Variants in GRIA4 observed in about 807,000 individuals in gnomAD.
The protein encoded by GRIA4 is glutamate receptor 4.
GRIA4 carries 34 observed loss-of-function variants against 104.0 expected under a neutral mutation model. That is an observed-to-expected ratio of 0.33 (90% confidence interval 0.25 to 0.44). The LOEUF (loss-of-function observed/expected upper bound fraction) is 0.44. Among genes scored for constraint, GRIA4 ranks in the 20% least tolerant of loss-of-function variants. GRIA4 has a pLI of 1.00. For missense variants in GRIA4, 750 were observed against 1,096.5 expected, an observed-to-expected ratio of 0.68 and a Z score of 4.46; for synonymous variants, 386 against 381.9, an observed-to-expected ratio of 1.01 and a Z score of -0.13.
In GRIA4 at chr11:105,910,563, C is replaced by T. The variant is rs761289035; in HGVS notation, c.1269+18C>T. ...CAATTATGGTAAGTGTTGGTCTATG[C>T]TTTATGGTGTTCCGTTTTGTCCACA... is the stretch of plus-strand genomic sequence containing the variant. On this transcript the variant is annotated intron_variant, in intron 10 of 16. Transcript: ENST00000282499. The T allele has an allele frequency of 2.4e-6, 3 of 1,268,572 alleles. No homozygotes were observed. Among genetic ancestry groups the T allele is most frequent in the Non-Finnish European group, 3.5e-6 (3 of 865,032 alleles). The allele number at this position is 1,268,572 out of a possible 1,614,324, so 78.6% of individuals were successfully genotyped here.
At chr11:105,842,739 G>A (rs1160412151) in intron 4 of GRIA4, 1 of 152,142 alleles carries the variant, frequency 6.6e-6, no homozygotes, top group Non-Finnish European at 1.5e-5. Context: ...AAGAGTGAAA[G>A]CAATACGATA....
chr11:105,901,477 TA>T (rs1052204578), intron 7 of GRIA4, among the ~76,000 whole-genome samples: 13 of 152,184 alleles, frequency 8.5e-5, no homozygotes, highest in African/African-American at 3.1e-4. Context: ...TTACCCTGCC[TA>T]AAAATGAAAT....
rs560097620 is a variant in GRIA4, at chr11:105,834,178, C to T, written c.488-27846C>T. 2.7e-4 allele frequency among the ~76,000 whole-genome samples: 41 copies of T among 152,108 alleles called. No homozygotes were observed. The South Asian group carries it at 8.3e-3, about 31-fold the overall frequency. ...CTGACACAGTTCCAGAAGTTGTTCT[C>T]TTTATGTCTCCACACTAAAATACAT... On this transcript the variant is annotated intron_variant, in intron 4 of 16. Coordinates refer to ENST00000282499, the MANE Select transcript of GRIA4 (RefSeq NM_000829.4).
At chr11:105,637,357 T>C (rs1951233692) in intron 3 of GRIA4, among the ~76,000 whole-genome samples, 1 of 152,182 alleles carries the variant, frequency 6.6e-6, no homozygotes, top group South Asian at 2.1e-4. Context: ...TAAAAAGTAA[T>C]GCTTTTAAGT....
Position 105,979,583 on chromosome 11 carries a change from T to C in GRIA4, c.2553T>C (p.Phe851=). The change falls in exon 17 of 17, where the codon TTT becomes TTC. Residue 851 remains phenylalanine (F), a synonymous_variant. Coordinates refer to ENST00000282499, the MANE Select transcript of GRIA4 (RefSeq NM_000829.4). Reference sequence around the variant, plus strand: ...CTTTCCATGCAACCCAGCTGACCTTTTCTGAAGCCATAAGAAACAAAGCCA... The same window carrying C: ...CTTTCCATGCAACCCAGCTGACCTTCTCTGAAGCCATAAGAAACAAAGCCA... The part of the protein sequence containing the change: ...RAEAKRMKLT[F]SEAIRNKARL... The C allele has an allele frequency of 4.3e-6, 7 of 1,614,150 alleles. No individual in the cohort carries two copies. The highest frequency in any genetic ancestry group is 5.9e-6 in the Non-Finnish European group (7 of 1,179,996).
intron 4 of GRIA4, among the ~76,000 whole-genome samples, chr11:105,763,787 T>G (rs1241723636): frequency 6.6e-6 from 1 of 152,216 alleles, no homozygotes; most frequent in Non-Finnish European, 1.5e-5. Context: ...CATTCCTCTC[T>G]GGACCTTTTG....
chr11:105,729,139 C>A (rs747133341), intron 3 of GRIA4, among the ~76,000 whole-genome samples: 1 of 151,782 alleles, frequency 6.6e-6, no homozygotes, highest in African/African-American at 2.4e-5. Flanking sequence ...AGAGAAGAAT[C>A]AAATAAATGC....
chr11:105,853,932 C>T (rs1180941547), intron 4 of GRIA4, among the ~76,000 whole-genome samples: 3 of 152,176 alleles, frequency 2.0e-5, no homozygotes, highest in African/African-American at 7.2e-5. Flanking sequence ...ATTATAAAAG[C>T]AGTTTTATAA....
intron 3 of GRIA4, among the ~76,000 whole-genome samples, chr11:105,686,511 T>C (rs991863943): frequency 6.6e-6 from 1 of 152,234 alleles, no homozygotes; most frequent in African/African-American, 2.4e-5. Context: ...TCTTTGCTAT[T>C]GTGAATAGAG....
chr11:105,809,472 T>C (rs1302657335), intron 4 of GRIA4, among the ~76,000 whole-genome samples: 1 of 152,166 alleles, frequency 6.6e-6, no homozygotes, highest in Non-Finnish European at 1.5e-5. Flanking sequence ...CCCACTCAAA[T>C]CTCATCTCGA....
intron 3 of GRIA4, among the ~76,000 whole-genome samples, chr11:105,703,148 G>T (rs577589877): frequency 1.2e-3 from 177 of 152,232 alleles, no homozygotes; most frequent in Middle Eastern, 3.4e-3. Flanking sequence ...TGAGCAACCA[G>T]TTAAATAGTG....
chr11:105,721,071 C>T (rs555015156), intron 3 of GRIA4, among the ~76,000 whole-genome samples: 2 of 152,184 alleles, frequency 1.3e-5, no homozygotes, highest in Admixed American at 1.3e-4. Context: ...GAGCCTTGTT[C>T]CTATATTGTG....
rs999620606 is a variant in GRIA4 at position 105,688,916 on chromosome 11, G to A, written c.248-64065G>A. On this transcript the variant is annotated intron_variant, in intron 3 of 16. Transcript: ENST00000282499. Reference sequence around the variant, plus strand: ...GATCTGATCTAGTTTAGGTGATCAAGGAAGGCATTTCTGATGAGACATATA... The same window carrying A: ...GATCTGATCTAGTTTAGGTGATCAAAGAAGGCATTTCTGATGAGACATATA... 4.6e-5 allele frequency among the ~76,000 whole-genome samples: 7 copies of A among 152,122 alleles called. No individual in the cohort carries two copies. In the South Asian group the frequency reaches 6.2e-4, roughly 14 times the overall value.
intron 3 of GRIA4, among the ~76,000 whole-genome samples, chr11:105,690,413 G>A (rs1953042207): frequency 6.6e-6 from 1 of 152,178 alleles, no homozygotes; most frequent in African/African-American, 2.4e-5. Flanking sequence ...CAAGGTGTAT[G>A]TGTTTAAATT....
rs538865844 is a variant in GRIA4 at position 105,948,219 on chromosome 11, G to A, written c.2294+14250G>A. ...AAAATTCAGGCCAAAAGCTCTGGTA[G>A]GTTAAGCAAGATCAATTAAAACACA... On this transcript the variant is annotated intron_variant, in intron 14 of 16. Coordinates refer to ENST00000282499, the MANE Select transcript of GRIA4 (RefSeq NM_000829.4). Among the ~76,000 whole-genome samples, 6 of 152,276 alleles carry A rather than the reference G, an allele frequency of 3.9e-5. No homozygotes were observed. The South Asian group carries it at 1.2e-3, about 32-fold the overall frequency.
At chr11:105,705,608 CGAGAGAGA>C (rs149688597) in intron 3 of GRIA4, among the ~76,000 whole-genome samples, 1 of 148,960 alleles carries the variant, frequency 6.7e-6, no homozygotes, top group Non-Finnish European at 1.5e-5. Flanking sequence ...CCTGAACTGA[CGAGAGAGA>C]GAGAGAGAGA....
Position 105,974,772 on chromosome 11 carries a change from TA to T in GRIA4, c.2544+333del. 5 of 463,402 alleles carry T rather than the reference TA, an allele frequency of 1.1e-5. No individual in the cohort carries two copies. The East Asian group carries it at 1.8e-4, about 17-fold the overall frequency. 28.7% of individuals were successfully genotyped at this position (463,402 alleles called of 1,614,324 possible). ...ATCTGCATTGCAAGGGTCAGAAAGA[TA>T]AAAACAAACCAGAATTGCTCTGTGA... On this transcript the variant is annotated intron_variant, in intron 16 of 16. Coordinates refer to ENST00000282499, the MANE Select transcript of GRIA4 (RefSeq NM_000829.4).
At chr11:105,857,562 C>G (rs1285088137) in intron 4 of GRIA4, among the ~76,000 whole-genome samples, 1 of 152,132 alleles carries the variant, frequency 6.6e-6, no homozygotes, top group Non-Finnish European at 1.5e-5. Context: ...ATTCATCAAA[C>G]TGGCATACCC....
intron 10 of GRIA4, chr11:105,913,607 G>C (rs147009353): frequency 5.0e-6 from 2 of 404,012 alleles, no homozygotes; most frequent in East Asian, 3.2e-4. Flanking sequence ...CAGCAATTGA[G>C]GGAAAAGCAG....
Sources: allele counts gnomAD v4.1 joint callset (sites outside exome capture counted in the v4.1 genomes callset), GRCh38; gene constraint gnomAD v4.1.1; transcripts MANE v1.5; gene names NCBI Gene and HGNC (gene_info 2026-07-23, HGNC 2026-07-21).